CCDC57: variants seen among roughly 807,000 people sequenced by gnomAD.
The protein encoded by CCDC57 is coiled-coil domain-containing protein 57.
In CCDC57, 118 loss-of-function variants were observed where a neutral mutation model predicts 118.9. The observed-to-expected ratio is 0.99, with a 90% CI of 0.86 to 1.16. The LOEUF (loss-of-function observed/expected upper bound fraction) is 1.16. Ranked by LOEUF, CCDC57 falls within the 50% of genes most tolerant of loss-of-function variation. The probability of loss-of-function intolerance (pLI) is 0.00; values close to 1 mark genes in which losing one functional copy is unlikely to be tolerated. For synonymous variants in CCDC57, 527 were observed against 532.9 expected (o/e 0.99, Z 0.15); for missense variants, 1,300 against 1,320.7 (o/e 0.98, Z 0.24).
chr17:82,104,043 C>G (rs768786303), intron 19 of CCDC57, among the ~76,000 whole-genome samples: 3 of 152,216 alleles, frequency 2.0e-5, no homozygotes, highest in Non-Finnish European at 2.9e-5. Flanking sequence ...GTCAGAGGCA[C>G]GGAGCTGGAT....
intron 8 of CCDC57, chr17:82,185,014 T>A (rs989783295): frequency 2.6e-5 from 4 of 152,298 alleles, no homozygotes; most frequent in African/African-American, 9.6e-5. Flanking sequence ...AGCCACCTAA[T>A]TATGAGGGCC....
chr17:82,176,012 A>G (rs896064823), intron 11 of CCDC57, among the ~76,000 whole-genome samples: 2 of 152,198 alleles, frequency 1.3e-5, no homozygotes, highest in African/African-American at 4.8e-5. Context: ...TTGCTGTACA[A>G]TGTTGGCAGA....
chr17:82,195,230 A>G, intron 5 of CCDC57, 33 bp downstream of exon 4: 1 of 1,523,926 alleles, frequency 6.6e-7, no homozygotes, highest in Admixed American at 1.9e-5. Flanking sequence ...AAAAACCGAA[A>G]AACCTTCACG....
intron 19 of CCDC57, among the ~76,000 whole-genome samples, chr17:82,123,869 G>A (rs1032175242): frequency 9.9e-5 from 15 of 151,076 alleles, no homozygotes; most frequent in African/African-American, 3.6e-4. Flanking sequence ...GCAACGCTTG[G>A]AGGAATATGC....
rs1599009315 is a variant in CCDC57, at chr17:82,157,885, C to T, written c.2104G>A (p.Val702Ile). 1.9e-6 allele frequency: 3 copies of T among 1,574,868 alleles called. No individual in the cohort carries two copies. In the African/African-American group the frequency reaches 4.1e-5, roughly 21 times the overall value. The change falls in exon 15 of 20, where the codon GTA becomes ATA. Residue 702 changes from valine (V) to isoleucine (I), a missense_variant. Physicochemically the swap from Val to Ile is conservative, Grantham distance 29. Transcript: ENST00000665763. The stretch of plus-strand genomic sequence containing the variant: ...CGCAGCTCCAAAACCTCCAGGTGTA[C>T]CTGGTCCACCTCACGGGGAAGCTCA...
chr17:82,199,909 T>C (rs1209973698), intron 3 of CCDC57, among the ~76,000 whole-genome samples: 4 of 152,220 alleles, frequency 2.6e-5, no homozygotes, highest in Admixed American at 2.6e-4. Flanking sequence ...ACTGGCACTT[T>C]TTATCCACGC....
At chr17:82,133,277 G>A (rs553038779) in intron 17 of CCDC57, among the ~76,000 whole-genome samples, 7 of 151,994 alleles carry the variant, frequency 4.6e-5, no homozygotes, top group South Asian at 4.1e-4. Context: ...GGAAGGCTGA[G>A]GTGGGAGGAT....
chr17:82,172,498 G>T lies in CCDC57; in HGVS notation c.1729+140C>A. On this transcript the variant is annotated intron_variant, in intron 12 of 19. Coordinates refer to ENST00000665763, the Ensembl canonical transcript of CCDC57. The surrounding 1 kb of genome is among the most constrained non-coding windows in gnomAD (Gnocchi z 5.2). ...AGAAAAAGCAGTTTTCATACTTTGA[G>T]TTTATTACAGGGGATGTTAACTTAT... The T allele has an allele frequency of 1.4e-6, 1 of 694,306 alleles. No individual in the cohort carries two copies. The highest frequency in any genetic ancestry group is 2.5e-6 in the Non-Finnish European group (1 of 407,264). The allele number at this position is 694,306 out of a possible 1,614,324, so 43.0% of individuals were successfully genotyped here.
Position 82,192,766 on chromosome 17 carries a change from C to T in CCDC57, c.851+990G>A, listed in dbSNP as rs766022157. Among the ~76,000 whole-genome samples, 3 of 152,270 alleles carry T rather than the reference C, an allele frequency of 2.0e-5. No individual in the cohort carries two copies. The highest frequency in any genetic ancestry group is 4.4e-5 in the Non-Finnish European group (3 of 68,046). On this transcript the variant is annotated intron_variant, in intron 7 of 19. Transcript: ENST00000665763. This position sits in a 1 kb window ranked among gnomAD's most constrained non-coding sequence, Gnocchi z 4.0. ...GAGCAGGCTGGAAAGCAGCTTCCCA[C>T]TGCAGATCTGATTAGAAACAGCACA...
intron 13 of CCDC57, among the ~76,000 whole-genome samples, chr17:82,169,153 G>A (rs1445207782): frequency 6.6e-6 from 1 of 152,118 alleles, no homozygotes; most frequent in Non-Finnish European, 1.5e-5. Context: ...TTGAGATGGA[G>A]TCTCGCTCTG....
intron 17 of CCDC57, among the ~76,000 whole-genome samples, chr17:82,132,410 T>G (rs966115404): frequency 1.3e-5 from 2 of 151,988 alleles, no homozygotes; most frequent in African/African-American, 4.8e-5. Context: ...GAGGGAGTGT[T>G]CTGGGTTAAA....
At chr17:82,183,901 C>T in exon 9 of CCDC57, 4 of 1,613,616 alleles carry the variant, frequency 2.5e-6, no homozygotes, top group Non-Finnish European at 3.4e-6. Flanking sequence ...GCATCCCAGG[C>T]AGATTTTACA....
At chr17:82,139,726 A>G (rs1320343517) in intron 16 of CCDC57, among the ~76,000 whole-genome samples, 1 of 151,930 alleles carries the variant, frequency 6.6e-6, no homozygotes, top group Non-Finnish European at 1.5e-5. Flanking sequence ...TTGAACAGGG[A>G]CTGTCTCAGA....
intron 16 of CCDC57, among the ~76,000 whole-genome samples, chr17:82,134,895 C>G (rs1003418090): frequency 2.0e-5 from 3 of 152,182 alleles, no homozygotes; most frequent in Admixed American, 1.3e-4. Context: ...AATGACCCCA[C>G]ATCAAACGAG....
chr17:82,101,921 G>A, intron 19 of CCDC57, 55 bp from the exon 19 acceptor site: 4 of 1,477,516 alleles, frequency 2.7e-6, no homozygotes, highest in Non-Finnish European at 3.6e-6. Context: ...GGGAGCAGGA[G>A]GCTGTGCTCA....
At position 82,172,829 on chromosome 17, in the gene CCDC57, C is replaced by G. The variant is rs1162811099; in HGVS notation, c.1538G>C (p.Ser513Thr). The G allele has an allele frequency of 6.2e-7, 1 of 1,612,992 alleles. No individual in the cohort carries two copies. ...GATCTCACTGGATGGAAAGTCTTTA[C>G]TTATTTCTTCTTCATGCTGCCTGAG... The change falls in exon 12 of 20, where the codon AGT becomes ACT. Residue 513 changes from serine to threonine, a missense_variant. Transcript: ENST00000665763. This position sits in a 1 kb window ranked among gnomAD's most constrained non-coding sequence, Gnocchi z 5.2.
intron 19 of CCDC57, chr17:82,126,985 C>T (rs920722590): frequency 4.4e-5 from 43 of 985,252 alleles, no homozygotes; most frequent in East Asian, 1.1e-4. Context: ...CCAGCTGCCT[C>T]GAAGCAGCAT....
At chr17:82,129,636 C>T (rs1455887129) in intron 17 of CCDC57, among the ~76,000 whole-genome samples, 1 of 152,194 alleles carries the variant, frequency 6.6e-6, no homozygotes, top group Non-Finnish European at 1.5e-5. Context: ...CGGGCTTCGT[C>T]CCCAGTACCT....
At chr17:82,180,838 A>C (rs2046119929) in intron 9 of CCDC57, among the ~76,000 whole-genome samples, 1 of 152,224 alleles carries the variant, frequency 6.6e-6, no homozygotes, top group Non-Finnish European at 1.5e-5. Flanking sequence ...ACAACACAGC[A>C]GCTGTCACCA....
Sources: gnomAD v4.1 joint callset for allele counts (sites outside exome capture counted in the v4.1 genomes callset) on GRCh38, gnomAD v4.1.1 for gene constraint, Gnocchi (gnomAD v3.1) non-coding constraint, MANE v1.5 for transcripts, NCBI Gene and HGNC (gene_info 2026-07-23, HGNC 2026-07-21) for gene names.